The following KCNC4 variants were observed in gnomAD, a reference collection of about 807,000 sequenced individuals.
KCNC4 encodes the protein potassium voltage-gated channel subfamily C member 4, also known as voltage-gated potassium channel KCNC4.
KCNC4 carries 23 observed loss-of-function variants against 42.8 expected under a neutral mutation model. That is an observed-to-expected ratio of 0.54 (90% CI 0.39 to 0.76). KCNC4 has a LOEUF of 0.76. Ranked by LOEUF, KCNC4 falls within the 30% of genes least tolerant of loss-of-function variation. KCNC4 has a pLI of 0.00. For synonymous variants in KCNC4, 422 were observed against 393.5 expected, an observed-to-expected ratio of 1.07 and a Z score of -0.86; for missense variants, 751 against 898.2, an observed-to-expected ratio of 0.84 and a Z score of 2.10.
chr1:110,222,881 C>A, intron 1 of KCNC4, 83 bp from the exon 2 acceptor site: 6 of 1,017,620 alleles, frequency 5.9e-6, no homozygotes, highest in Non-Finnish European at 8.9e-6. Flanking sequence ...TCCTGGTAAC[C>A]TTCATGCAGA....
intron 3 of KCNC4, chr1:110,228,789 A>AGGGAGCAGGG (rs1195984024): frequency 6.5e-6 from 1 of 152,738 alleles, no homozygotes; most frequent in Non-Finnish European, 1.5e-5. Context: ...GGGCAGCAGG[A>AGGGAGCAGGG]GGGAGCAGGG....
chr1:110,270,951 TG>T (rs528958542), intron 1 of KCNC4, among the ~76,000 whole-genome samples: 68 of 152,288 alleles, frequency 4.5e-4, no homozygotes, highest in African/African-American at 1.6e-3. Context: ...ATTTAGACCC[TG>T]GGGGGCTGAA....
downstream of KCNC4, among the ~76,000 whole-genome samples, chr1:110,250,307 G>C (rs757519707): frequency 1.2e-4 from 18 of 152,114 alleles, no homozygotes; most frequent in Non-Finnish European, 2.4e-4. Context: ...CTGCCATCTG[G>C]TAGGCCACCC....
Position 110,226,316 on chromosome 1 carries a change from T to C in KCNC4, c.1819+138T>C, listed in dbSNP as rs1330234317. 4.3e-6 allele frequency: 3 copies of C among 697,994 alleles called. No individual in the cohort carries two copies. The South Asian group carries it at 4.6e-5, about 11-fold the overall frequency. The allele number at this position is 697,994 out of a possible 1,614,324, so 43.2% of individuals were successfully genotyped here. A position where few individuals can be genotyped will look rare whatever the true frequency, so the allele number is the denominator to read the frequency against. On this transcript the variant is annotated intron_variant, in intron 3 of 3. Transcript: ENST00000438661. ...TCTGCCTTGGATGCACCCCCACTTT[T>C]AGAATGGGTACCTGATCTCCCAGTC...
chr1:110,282,999 A>C (rs1413451929), intron 2 of KCNC4: 3 of 152,304 alleles, frequency 2.0e-5, no homozygotes, highest in African/African-American at 7.2e-5. Flanking sequence ...ATGGTTCTGC[A>C]GGCTGGGAGG....
intron 1 of KCNC4, among the ~76,000 whole-genome samples, chr1:110,254,903 G>GTCCAT (rs1659304430): frequency 2.0e-5 from 3 of 152,188 alleles, no homozygotes. Context: ...TGCCATTCCA[G>GTCCAT]TCCATTCCAT....
rs1657414511 is a variant in KCNC4, at chr1:110,211,104, C to T, written c.-396C>T. Among the ~76,000 whole-genome samples, 1 of 152,272 alleles carries T rather than the reference C, an allele frequency of 6.6e-6. No individual in the cohort carries two copies. ...GGGTGGCCCGTGTGAGCGCGAGCGC[C>T]CCGGACCTTCGCGGTGCGCGTGGAC... On this transcript the variant is annotated 5_prime_UTR_variant, in exon 1 of 4. Transcript: ENST00000438661. This position sits in a 1 kb window ranked among gnomAD's most constrained non-coding sequence, Gnocchi z 6.5.
intron 1 of KCNC4, among the ~76,000 whole-genome samples, chr1:110,282,242 T>C (rs1393471234): frequency 6.6e-6 from 1 of 152,202 alleles, no homozygotes; most frequent in East Asian, 1.9e-4. Flanking sequence ...GAAAGGAAAA[T>C]GTCATCCCTT....
chr1:110,218,196 G>T lies in KCNC4; in HGVS notation c.679-4768G>T, dbSNP rs528099334. Among the ~76,000 whole-genome samples the T allele has an allele frequency of 8.5e-5, 13 of 152,278 alleles. No homozygotes were observed. The East Asian group carries it at 2.5e-3, about 29-fold the overall frequency. ...GTCACCTCTCCCCTCGACCCAGCCT[G>T]TGCCAGATTCCTGGAATGCTCTAGG... is the stretch of plus-strand genomic sequence containing the variant. On this transcript the variant is annotated intron_variant, in intron 1 of 3. Coordinates refer to ENST00000438661, the MANE Select transcript of KCNC4 (RefSeq NM_001039574.3).
At chr1:110,231,474 C>T (rs1658688422) in intron 3 of KCNC4, among the ~76,000 whole-genome samples, 1 of 152,186 alleles carries the variant, frequency 6.6e-6, no homozygotes, top group Non-Finnish European at 1.5e-5. Context: ...GGCTGCTCTG[C>T]TCCCTGGCTT....
chr1:110,247,252 A>G (rs1245560217), exon 4 of KCNC4: 2 of 147,922 alleles, frequency 1.4e-5, no homozygotes, highest in East Asian at 2.0e-4. Context: ...TTTTTAGGCA[A>G]GATCTAGCTC....
rs1251268259 is a variant in KCNC4, at chr1:110,211,140, C to T, written c.-360C>T. Reference sequence around the variant, plus strand: ...GCGGTGCGCGTGGACTGTGCGCTTCCTCGTCTTTGGTCGGGGTGAAGGCGG... The same window carrying T: ...GCGGTGCGCGTGGACTGTGCGCTTCTTCGTCTTTGGTCGGGGTGAAGGCGG... On this transcript the variant is annotated 5_prime_UTR_variant, in exon 1 of 4. Transcript: ENST00000438661. This position sits in a 1 kb window ranked among gnomAD's most constrained non-coding sequence, Gnocchi z 6.5. Among the ~76,000 whole-genome samples, 1 of 152,242 alleles carries T rather than the reference C, an allele frequency of 6.6e-6. No homozygotes were observed. The highest frequency in any genetic ancestry group is 1.5e-5 in the Non-Finnish European group (1 of 68,050).
rs774956058 is a variant in KCNC4, at chr1:110,211,745, T to TAGCAGCGGC, written c.256_264dup (p.Ser86_Gly88dup). The TAGCAGCGGC allele has an allele frequency of 1.4e-5, 22 of 1,609,154 alleles. No individual in the cohort carries two copies. Among genetic ancestry groups the TAGCAGCGGC allele is most frequent in the Middle Eastern group, 1.8e-4 (1 of 5,580 alleles). ...CCGAGACCGATGGCGGCGGTGTGGG[T>TAGCAGCGGC]AGCAGCGGCAGCAGCGGCGGCGGGG... On this transcript the variant is annotated inframe_insertion, in exon 1 of 4. Coordinates refer to ENST00000438661, the MANE Select transcript of KCNC4 (RefSeq NM_001039574.3). The surrounding 1 kb of genome is among the most constrained non-coding windows in gnomAD (Gnocchi z 6.5).
At chr1:110,253,810 G>A (rs1659282621), downstream of KCNC4, among the ~76,000 whole-genome samples, 1 of 152,202 alleles carries the variant, frequency 6.6e-6, no homozygotes, top group African/African-American at 2.4e-5. Context: ...GGCAGGGGTG[G>A]TGAAAGCATC....
chr1:110,275,519 A>T (rs1473647352), intron 1 of KCNC4, among the ~76,000 whole-genome samples: 2 of 152,228 alleles, frequency 1.3e-5, no homozygotes, highest in African/African-American at 4.8e-5. Flanking sequence ...TTATCTACCC[A>T]AAGGAGAAGA....
intron 1 of KCNC4, among the ~76,000 whole-genome samples, chr1:110,269,219 C>T (rs954595041): frequency 6.6e-6 from 1 of 152,032 alleles, no homozygotes; most frequent in African/African-American, 2.4e-5. Flanking sequence ...AAGTAAAATA[C>T]AACTCAAGAT....
At chr1:110,234,190 G>A (rs948023710), downstream of KCNC4, 2 of 152,324 alleles carry the variant, frequency 1.3e-5, no homozygotes, top group South Asian at 2.1e-4. Context: ...GCATTTTACA[G>A]GGAGAGACTA....
rs200511444 is a variant in KCNC4 at position 110,225,991 on chromosome 1, C to G, written c.1632C>G (p.Gly544=). The G allele has an allele frequency of 6.3e-7, 1 of 1,598,038 alleles. No homozygotes were observed. Among genetic ancestry groups the G allele is most frequent in the Non-Finnish European group, 8.6e-7 (1 of 1,169,294 alleles). The part of the protein sequence containing the change: ...ERKRADSKQN[G]DANAVLSDEE... ...CCCCTTCAGACTCTAAGCAGAATGG[C>G]GATGCCAACGCAGTGCTGTCTGATG... The change falls in exon 3 of 4, where the codon GGC becomes GGG. Residue 544 remains glycine (G), a synonymous_variant. Transcript: ENST00000438661.
downstream of KCNC4, among the ~76,000 whole-genome samples, chr1:110,251,819 G>C (rs1292389986): frequency 6.6e-6 from 1 of 152,230 alleles, no homozygotes; most frequent in Non-Finnish European, 1.5e-5. Context: ...AGGCACAAAA[G>C]GTTAAGGCCC....
Sources: gnomAD v4.1 joint callset for allele counts (sites outside exome capture counted in the v4.1 genomes callset) on GRCh38, gnomAD v4.1.1 for gene constraint, Gnocchi (gnomAD v3.1) non-coding constraint, MANE v1.5 for transcripts, NCBI Gene and HGNC (gene_info 2026-07-23, HGNC 2026-07-21) for gene names.